Variants in RAD51B observed in about 807,000 individuals in gnomAD.
RAD51B encodes the protein DNA repair protein RAD51 homolog 2.
In RAD51B, 38 loss-of-function variants were observed where a neutral mutation model predicts 42.2. That is an observed-to-expected ratio of 0.90 (90% CI 0.70 to 1.18). The LOEUF (loss-of-function observed/expected upper bound fraction) is 1.18. Among genes scored for constraint, RAD51B ranks in the 50% most tolerant of loss-of-function variants. The probability of loss-of-function intolerance (pLI) is 0.00; values close to 1 mark genes in which losing one functional copy is unlikely to be tolerated. For missense variants in RAD51B, 373 were observed against 400.7 expected (o/e 0.93, Z 0.59); for synonymous variants, 154 against 145.2 (o/e 1.06, Z -0.43).
At chr14:68,039,064 TG>T (rs1365893190) in intron 7 of RAD51B, among the ~76,000 whole-genome samples, 1 of 152,022 alleles carries the variant, frequency 6.6e-6, no homozygotes, top group Non-Finnish European at 1.5e-5. Context: ...AATCAGGGGC[TG>T]ATTTATTGTT....
intron 7 of RAD51B, among the ~76,000 whole-genome samples, chr14:68,019,006 T>C (rs1566582333): frequency 6.6e-6 from 1 of 152,202 alleles, no homozygotes; most frequent in African/African-American, 2.4e-5. Flanking sequence ...GTAATGTTCC[T>C]TGCATATAGT....
At chr14:68,090,876 A>G (rs1473270663) in intron 7 of RAD51B, among the ~76,000 whole-genome samples, 1 of 99,358 alleles carries the variant, frequency 1.0e-5, no homozygotes, top group Admixed American at 1.6e-4. Flanking sequence ...AACAGTCCCC[A>G]GAGTGTGATG....
rs1336543095 is a variant in RAD51B at position 68,044,947 on chromosome 14, T to C, written c.756+157743T>C. ...TCTGATGCTATTACGTTTTAGAAAA[T>C]TGAAATGACTGGCCAGGCGTGGTGG... On this transcript the variant is annotated intron_variant, in intron 7 of 10. Coordinates refer to ENST00000471583, the MANE Select transcript of RAD51B (RefSeq NM_133510.4). 5.9e-5 allele frequency among the ~76,000 whole-genome samples: 9 copies of C among 151,924 alleles called. No individual in the cohort carries two copies. The East Asian group carries it at 1.2e-3, about 20-fold the overall frequency.
intron 7 of RAD51B, among the ~76,000 whole-genome samples, chr14:67,954,635 C>T (rs2140214922): frequency 6.6e-6 from 1 of 152,228 alleles, no homozygotes; most frequent in South Asian, 2.1e-4. Flanking sequence ...AGAATAGGTA[C>T]ATTTTAAAGA....
chr14:68,365,280 C>T lies in RAD51B; in HGVS notation c.854-46144C>T, dbSNP rs543733646. On this transcript the variant is annotated intron_variant, in intron 8 of 10. Transcript: ENST00000471583. ...AGGTTCTGTGTCTGATTCGGCTGTC[C>T]GGTGAGGAAAGATGTGAAGTGATCT... is the stretch of plus-strand genomic sequence containing the variant. Among the ~76,000 whole-genome samples, 137 of 152,274 alleles carry T rather than the reference C, an allele frequency of 9.0e-4. 5 individuals are homozygous for T. The South Asian group carries it at 0.027, about 30-fold the overall frequency.
intron 9 of RAD51B, among the ~76,000 whole-genome samples, chr14:68,441,204 GAAAT>G (rs1322446761): frequency 6.6e-6 from 1 of 152,104 alleles, no homozygotes; most frequent in Non-Finnish European, 1.5e-5. Flanking sequence ...CACAGCACCA[GAAAT>G]AACATGAGAA....
At chr14:68,674,259 CAT>C (rs1893257487) in intron 11 of RAD51B, among the ~76,000 whole-genome samples, 2 of 152,092 alleles carry the variant, frequency 1.3e-5, no homozygotes, top group African/African-American at 4.8e-5. Context: ...ACTATATACA[CAT>C]ATATGCACAC....
In RAD51B at chr14:68,032,655, G is replaced by A. The variant is rs116253477; in HGVS notation, c.756+145451G>A. ...GTCCAAGGCACTATCATCTCACACAGTATTGTGACAATAGCCTTCTACTAT... is the reference window on the plus strand; with the variant it reads ...GTCCAAGGCACTATCATCTCACACAATATTGTGACAATAGCCTTCTACTAT... On this transcript the variant is annotated intron_variant, in intron 7 of 10. Coordinates refer to ENST00000471583, the MANE Select transcript of RAD51B (RefSeq NM_133510.4). Among the ~76,000 whole-genome samples, 117 of 152,228 alleles carry A rather than the reference G, an allele frequency of 7.7e-4. 1 individual carries two copies. Among genetic ancestry groups the A allele is most frequent in the African/African-American group, 2.6e-3 (107 of 41,542 alleles).
chr14:68,344,737 G>A (rs766601601), intron 8 of RAD51B, among the ~76,000 whole-genome samples: 2 of 152,002 alleles, frequency 1.3e-5, no homozygotes, highest in Non-Finnish European at 2.9e-5. Flanking sequence ...CACGAGGTCA[G>A]GAGTTCGAGA....
intron 7 of RAD51B, among the ~76,000 whole-genome samples, chr14:68,145,478 A>G (rs759013743): frequency 2.6e-5 from 4 of 152,240 alleles, no homozygotes; most frequent in East Asian, 3.8e-4. Context: ...ATTAAATTAT[A>G]TAACCTACAT....
chr14:68,304,547 T>C (rs2081819838), intron 8 of RAD51B, among the ~76,000 whole-genome samples: 1 of 152,248 alleles, frequency 6.6e-6, no homozygotes, highest in African/African-American at 2.4e-5. Flanking sequence ...CATGCATCAC[T>C]ATAAGTGCAG....
chr14:68,399,962 A>G (rs2084049277), intron 8 of RAD51B, among the ~76,000 whole-genome samples: 1 of 151,934 alleles, frequency 6.6e-6, no homozygotes, highest in Non-Finnish European at 1.5e-5. Context: ...TCCCAGAAAA[A>G]TTTTTCTTCA....
At chr14:68,647,835 T>C (rs1165985733) in intron 10 of RAD51B, among the ~76,000 whole-genome samples, 1 of 151,808 alleles carries the variant, frequency 6.6e-6, no homozygotes, top group Non-Finnish European at 1.5e-5. Flanking sequence ...TGCACCACCA[T>C]TCCTGGCTAA....
At chr14:68,080,461 A>C (rs1295054345) in intron 7 of RAD51B, among the ~76,000 whole-genome samples, 2 of 152,208 alleles carry the variant, frequency 1.3e-5, no homozygotes, top group Non-Finnish European at 2.9e-5. Context: ...ATGTTTGAAT[A>C]GCTCTATTTG....
At chr14:67,892,423 T>G (rs972607281) in intron 7 of RAD51B, among the ~76,000 whole-genome samples, 1 of 152,334 alleles carries the variant, frequency 6.6e-6, no homozygotes, top group Admixed American at 6.5e-5. Flanking sequence ...CCATACAATA[T>G]TATATTGTGC....
chr14:67,827,165 A>C (rs950074994), intron 3 of RAD51B, among the ~76,000 whole-genome samples: 4 of 152,238 alleles, frequency 2.6e-5, no homozygotes, highest in Non-Finnish European at 4.4e-5. Flanking sequence ...AATACTATGC[A>C]ATGATTCTGT....
At chr14:68,156,778 G>A (rs1213378200) in intron 7 of RAD51B, among the ~76,000 whole-genome samples, 1 of 151,908 alleles carries the variant, frequency 6.6e-6, no homozygotes, top group Non-Finnish European at 1.5e-5. Context: ...TGGAAACCTT[G>A]GTAAATTTTT....
At chr14:67,981,281 GA>G (rs1436004072) in intron 7 of RAD51B, among the ~76,000 whole-genome samples, 4 of 151,990 alleles carry the variant, frequency 2.6e-5, no homozygotes, top group Non-Finnish European at 4.4e-5. Flanking sequence ...AAAAATAAAA[GA>G]AAAAAATAAA....
chr14:68,224,593 A>G (rs774148049), intron 7 of RAD51B, among the ~76,000 whole-genome samples: 66 of 152,194 alleles, frequency 4.3e-4, no homozygotes, highest in Non-Finnish European at 1.0e-4. Context: ...GCATCTGATA[A>G]ATATTTATTA....
Sources: gnomAD v4.1 joint callset for allele counts (sites outside exome capture counted in the v4.1 genomes callset) on GRCh38, gnomAD v4.1.1 for gene constraint, MANE v1.5 for transcripts, NCBI Gene and HGNC (gene_info 2026-07-23, HGNC 2026-07-21) for gene names.